The following DAB1 variants were observed in gnomAD, a reference collection of about 807,000 sequenced individuals.
DAB1 encodes disabled homolog 1.
Under a neutral mutation model 64.6 loss-of-function variants are expected in DAB1, and 15 were observed. The observed-to-expected ratio is 0.23, with a 90% confidence interval of 0.16 to 0.36. The LOEUF (loss-of-function observed/expected upper bound fraction) is 0.36, where lower values mean the gene tolerates loss of function less well. Ranked by LOEUF, DAB1 falls within the 10% of genes least tolerant of loss-of-function variation. The probability of loss-of-function intolerance (pLI) is 1.00; values close to 1 mark genes in which losing one functional copy is unlikely to be tolerated. For missense variants in DAB1, 596 were observed against 706.7 expected, an observed-to-expected ratio of 0.84 and a Z score of 1.78; for synonymous variants, 235 against 251.9, an observed-to-expected ratio of 0.93 and a Z score of 0.64.
intron 1 of DAB1, among the ~76,000 whole-genome samples, chr1:57,406,315 A>G (rs2101044453): frequency 6.6e-6 from 1 of 152,320 alleles, no homozygotes; most frequent in Admixed American, 6.5e-5. Flanking sequence ...TTACTCTGGC[A>G]AAATTCATCC....
intron 6 of DAB1, among the ~76,000 whole-genome samples, chr1:57,763,328 G>A (rs1357484956): frequency 6.6e-6 from 1 of 152,150 alleles, no homozygotes; most frequent in Non-Finnish European, 1.5e-5. Context: ...GCACTGTAGG[G>A]AATCAAACCT....
At chr1:57,348,177 C>T (rs1161908481) in intron 1 of DAB1, among the ~76,000 whole-genome samples, 3 of 152,092 alleles carry the variant, frequency 2.0e-5, no homozygotes, top group African/African-American at 7.2e-5. Flanking sequence ...TTCCTATATA[C>T]CAGGCAAGTT....
At chr1:58,272,573 G>T (rs1435472860) in intron 4 of DAB1, among the ~76,000 whole-genome samples, 2 of 118,608 alleles carry the variant, frequency 1.7e-5, no homozygotes, top group Non-Finnish European at 3.5e-5. Flanking sequence ...CAATTCCTGG[G>T]TAACCTTGTT....
chr1:57,871,911 GTTCA>G (rs1643956360), intron 1 of DAB1, among the ~76,000 whole-genome samples: 1 of 152,060 alleles, frequency 6.6e-6, no homozygotes, highest in African/African-American at 2.4e-5. Flanking sequence ...AAGTTTATTT[GTTCA>G]TTCAACAGAC....
chr1:58,533,930 G>A (rs762846729), intron 1 of DAB1: 8 of 867,130 alleles, frequency 9.2e-6, no homozygotes, highest in Admixed American at 1.7e-5. Context: ...TTCCAAACCT[G>A]AACATTCATT....
intron 9 of DAB1, among the ~76,000 whole-genome samples, chr1:57,057,809 T>TC (rs1557643944): frequency 6.6e-6 from 1 of 151,268 alleles, no homozygotes; most frequent in Non-Finnish European, 1.5e-5. Context: ...GGGGTTTCAC[T>TC]GTATTAGCCA....
At chr1:57,121,635 T>C (rs1656675625) in intron 4 of DAB1, among the ~76,000 whole-genome samples, 1 of 152,198 alleles carries the variant, frequency 6.6e-6, no homozygotes, top group Non-Finnish European at 1.5e-5. Context: ...TCTTTGCCTA[T>C]GCCTATGTCC....
intron 5 of DAB1, among the ~76,000 whole-genome samples, chr1:58,008,987 C>A (rs1460470420): frequency 6.6e-6 from 1 of 152,152 alleles, no homozygotes; most frequent in Non-Finnish European, 1.5e-5. Context: ...ATGTGTCAAT[C>A]ATAGCAGGAC....
At chr1:58,215,735 A>T (rs1658817907) in intron 4 of DAB1, among the ~76,000 whole-genome samples, 1 of 152,154 alleles carries the variant, frequency 6.6e-6, no homozygotes, top group African/African-American at 2.4e-5. Flanking sequence ...ATAGTGAGTG[A>T]TTTTCAAACT....
chr1:57,457,417 T>C (rs753005493), intron 7 of DAB1, among the ~76,000 whole-genome samples: 11 of 152,144 alleles, frequency 7.2e-5, no homozygotes, highest in Admixed American at 3.3e-4. Context: ...GATGATTACA[T>C]AGGCAAACAG....
At chr1:58,012,427 C>T (rs1283257056) in intron 5 of DAB1, among the ~76,000 whole-genome samples, 1 of 152,064 alleles carries the variant, frequency 6.6e-6, no homozygotes, top group Non-Finnish European at 1.5e-5. Context: ...TCCTTCTGGC[C>T]TACTGTATAT....
chr1:57,767,280 G>A (rs1649356248), intron 6 of DAB1, among the ~76,000 whole-genome samples: 1 of 152,002 alleles, frequency 6.6e-6, no homozygotes, highest in Non-Finnish European at 1.5e-5. Flanking sequence ...ATAAACTCAG[G>A]TATGGTTGAA....
intron 2 of DAB1, among the ~76,000 whole-genome samples, chr1:57,200,101 C>G (rs375982449): frequency 2.0e-5 from 3 of 152,168 alleles, no homozygotes; most frequent in Non-Finnish European, 4.4e-5. Context: ...AGGCAGGGAA[C>G]TTTACCTCTT....
intron 6 of DAB1, among the ~76,000 whole-genome samples, chr1:57,752,864 T>C (rs1648619471): frequency 6.6e-6 from 1 of 152,214 alleles, no homozygotes; most frequent in African/African-American, 2.4e-5. Context: ...GCCTGACACT[T>C]GGTAGGCATT....
chr1:58,198,731 A>T (rs1193733609), intron 4 of DAB1, among the ~76,000 whole-genome samples: 1 of 152,198 alleles, frequency 6.6e-6, no homozygotes, highest in East Asian at 1.9e-4. Flanking sequence ...GCAAGACTCA[A>T]TCCATTGAGA....
At chr1:58,412,760 G>C (rs1235863089) in intron 3 of DAB1, among the ~76,000 whole-genome samples, 1 of 152,204 alleles carries the variant, frequency 6.6e-6, no homozygotes. Context: ...AAGAGCACTG[G>C]ACAGGAGGAT....
intron 5 of DAB1, among the ~76,000 whole-genome samples, chr1:57,985,647 GAAAAA>G: frequency 6.7e-6 from 1 of 149,938 alleles, no homozygotes; most frequent in South Asian, 2.1e-4. Flanking sequence ...CCTCAAGAAA[GAAAAA>G]AAAAAAATGG....
intron 7 of DAB1, among the ~76,000 whole-genome samples, chr1:57,612,265 T>C (rs1052670523): frequency 6.6e-6 from 1 of 152,038 alleles, no homozygotes; most frequent in Admixed American, 6.6e-5. Flanking sequence ...TCACTGTCTG[T>C]CCCTGTAGTA....
intron 9 of DAB1, among the ~76,000 whole-genome samples, chr1:57,036,544 C>T (rs1019470737): frequency 5.9e-5 from 9 of 152,190 alleles, no homozygotes; most frequent in African/African-American, 2.2e-4. Context: ...GATCTACTCC[C>T]TAGTCTCTCC....
Sources: allele counts gnomAD v4.1 joint callset (sites outside exome capture counted in the v4.1 genomes callset), GRCh38; gene constraint gnomAD v4.1.1; transcripts MANE v1.5; gene names NCBI Gene and HGNC (gene_info 2026-07-23, HGNC 2026-07-21).